The following EEFSEC variants were observed in gnomAD, a reference collection of about 807,000 sequenced individuals.
EEFSEC encodes selenocysteine-specific elongation factor.
Under a neutral mutation model 42.1 loss-of-function variants are expected in EEFSEC, and 43 were observed. That is an observed-to-expected ratio of 1.02 (90% confidence interval 0.80 to 1.32). EEFSEC has a LOEUF of 1.32. EEFSEC is among the 40% of genes most tolerant of loss of function. The probability of loss-of-function intolerance (pLI) is 0.00; values close to 1 mark genes in which losing one functional copy is unlikely to be tolerated. For missense variants in EEFSEC, 745 were observed against 803.6 expected, an observed-to-expected ratio of 0.93 and a Z score of 0.88; for synonymous variants, 354 against 339.1, an observed-to-expected ratio of 1.04 and a Z score of -0.48.
chr3:128,175,058 G>T (rs1345663729), intron 1 of EEFSEC, among the ~76,000 whole-genome samples: 1 of 151,912 alleles, frequency 6.6e-6, no homozygotes, highest in Non-Finnish European at 1.5e-5. Context: ...GTCATCATCG[G>T]CATTCTCTCT....
intron 4 of EEFSEC, among the ~76,000 whole-genome samples, chr3:128,340,974 C>A (rs936349932): frequency 3.9e-5 from 6 of 152,218 alleles, no homozygotes; most frequent in Non-Finnish European, 1.5e-5. Context: ...ATGACCCCTG[C>A]CTTTCCCCCA....
At chr3:128,337,633 G>C (rs115286316) in intron 4 of EEFSEC, among the ~76,000 whole-genome samples, 33 of 152,304 alleles carry the variant, frequency 2.2e-4, no homozygotes, top group Non-Finnish European at 4.6e-4. Flanking sequence ...TCTTCAGAGC[G>C]GCTGGGCGTT....
At chr3:128,174,408 C>T (rs2065327985) in intron 1 of EEFSEC, among the ~76,000 whole-genome samples, 1 of 152,066 alleles carries the variant, frequency 6.6e-6, no homozygotes, top group South Asian at 2.1e-4. Context: ...TATTTTGGAG[C>T]CAGTAAGTTT....
chr3:128,250,911 G>GTTTTTTTT (rs35594175), intron 2 of EEFSEC, among the ~76,000 whole-genome samples: 2 of 108,576 alleles, frequency 1.8e-5, no homozygotes, highest in Admixed American at 1.0e-4. Flanking sequence ...GTTTTTTTTG[G>GTTTTTTTT]TTTTTTTTTT....
chr3:128,288,623 A>T (rs6439124), intron 4 of EEFSEC, among the ~76,000 whole-genome samples: 1 of 152,154 alleles, frequency 6.6e-6, no homozygotes, highest in South Asian at 2.1e-4. Context: ...CCTAGGATAC[A>T]GCAAGCTGCC....
intron 5 of EEFSEC, among the ~76,000 whole-genome samples, chr3:128,350,327 AGCGGGTCAGCTGCAGGGCCCCTC>A (rs2067368241): frequency 6.6e-6 from 1 of 152,154 alleles, no homozygotes; most frequent in Non-Finnish European, 1.5e-5. Context: ...GGTGGGCCCT[AGCGGGTCAGCTGCAGGGCCCCTC>A]GCCCTTGCAG....
chr3:128,328,695 T>G (rs564590194), intron 4 of EEFSEC, among the ~76,000 whole-genome samples: 2 of 152,308 alleles, frequency 1.3e-5, no homozygotes, highest in South Asian at 2.1e-4. Flanking sequence ...CATAGGGAAC[T>G]GCCCCTCAGG....
At chr3:128,287,838 TC>T (rs2066602453) in intron 4 of EEFSEC, among the ~76,000 whole-genome samples, 1 of 152,244 alleles carries the variant, frequency 6.6e-6, no homozygotes, top group African/African-American at 2.4e-5. Context: ...TATTACCATT[TC>T]TGGTTTCTTT....
intron 1 of EEFSEC, among the ~76,000 whole-genome samples, chr3:128,243,542 ATGTATTAAGC>A (rs2066096069): frequency 6.6e-6 from 1 of 152,226 alleles, no homozygotes; most frequent in South Asian, 2.1e-4. Flanking sequence ...TCCAGCAACG[ATGTATTAAGC>A]TGTGCCCAAG....
chr3:128,267,695 C>T (rs549893681), intron 4 of EEFSEC, among the ~76,000 whole-genome samples: 19 of 152,294 alleles, frequency 1.2e-4, no homozygotes, highest in Middle Eastern at 6.8e-3. Context: ...GCTGAGAAAG[C>T]ATACCTTGGA....
chr3:128,279,865 G>T (rs571687291), intron 4 of EEFSEC, among the ~76,000 whole-genome samples: 26 of 152,350 alleles, frequency 1.7e-4, no homozygotes, highest in African/African-American at 6.3e-4. Context: ...AAGGGAACAT[G>T]GCACGGGTGT....
chr3:128,379,048 C>A (rs1233833977), intron 6 of EEFSEC, among the ~76,000 whole-genome samples: 1 of 152,194 alleles, frequency 6.6e-6, no homozygotes, highest in African/African-American at 2.4e-5. Context: ...AACAAACCAT[C>A]CATCTTTCTC....
chr3:128,378,198 CT>C (rs2067731808), intron 6 of EEFSEC, among the ~76,000 whole-genome samples: 1 of 152,172 alleles, frequency 6.6e-6, no homozygotes, highest in African/African-American at 2.4e-5. Flanking sequence ...ACCAAGATGG[CT>C]TTTGTCCTTC....
At chr3:128,247,143 T>TG in intron 2 of EEFSEC, 100 bp downstream of exon 2, 3 of 1,250,576 alleles carry the variant, frequency 2.4e-6, no homozygotes, top group Non-Finnish European at 3.4e-6. Context: ...GGTGTCAGCC[T>TG]CCCGTCCTAG....
intron 4 of EEFSEC, among the ~76,000 whole-genome samples, chr3:128,310,458 G>C (rs555420430): frequency 3.3e-5 from 5 of 152,300 alleles, no homozygotes; most frequent in East Asian, 3.9e-4. Context: ...CCAAGAGATT[G>C]CCTCTTAGCA....
chr3:128,186,712 A>C (rs2065468742), intron 1 of EEFSEC, among the ~76,000 whole-genome samples: 1 of 152,262 alleles, frequency 6.6e-6, no homozygotes, highest in South Asian at 2.1e-4. Flanking sequence ...TCTTAACAAA[A>C]ATCAGTTGAC....
chr3:128,210,901 C>G, intron 1 of EEFSEC, among the ~76,000 whole-genome samples: 1 of 152,212 alleles, frequency 6.6e-6, no homozygotes, highest in Admixed American at 6.5e-5. Context: ...TTTCTGTCTG[C>G]TTTCTAGGCA....
rs1390247384 is a variant in EEFSEC at position 128,391,422 on chromosome 3, C to CCA, written c.1601-16647_1601-16646insCA. Among the ~76,000 whole-genome samples the CCA allele has an allele frequency of 2.6e-5, 4 of 152,322 alleles. No homozygotes were observed. The East Asian group carries it at 7.7e-4, about 29-fold the overall frequency. ...TGACCACCAAAGGTGTTTCCAACCT[C>CCA]GAGGTTCTGGGCCCTGGCTGGTGAC... On this transcript the variant is annotated intron_variant, in intron 6 of 6. Coordinates refer to ENST00000254730, the MANE Select transcript of EEFSEC (RefSeq NM_021937.5).
chr3:128,260,811 G>C (rs2955099), intron 2 of EEFSEC, among the ~76,000 whole-genome samples: 127,849 of 152,200 alleles, frequency 0.84, 54,169 homozygotes, highest in East Asian at 0.99. Flanking sequence ...TTAATTTCCA[G>C]AGTTCTGAAC....
Sources: allele counts gnomAD v4.1 joint callset (sites outside exome capture counted in the v4.1 genomes callset), GRCh38; gene constraint gnomAD v4.1.1; transcripts MANE v1.5; gene names NCBI Gene and HGNC (gene_info 2026-07-23, HGNC 2026-07-21).